AK8: variants seen among roughly 807,000 people sequenced by gnomAD.
AK8 encodes the protein ATP-AMP transphosphorylase 8.
Under a neutral mutation model 54.6 loss-of-function variants are expected in AK8, and 44 were observed. The observed-to-expected ratio is 0.81, with a 90% CI of 0.63 to 1.04. AK8 has a LOEUF of 1.04. Ranked by LOEUF, AK8 falls within the 50% of genes least tolerant of loss-of-function variation. The probability of loss-of-function intolerance (pLI) is 0.00; values close to 1 mark genes in which losing one functional copy is unlikely to be tolerated. For synonymous variants in AK8, 239 were observed against 245.6 expected (o/e 0.97, Z 0.25); for missense variants, 555 against 613.6 (o/e 0.90, Z 1.01).
Position 132,744,023 on chromosome 9 carries a change from C to T in AK8, c.1122-16489G>A, listed in dbSNP as rs1380893218. On this transcript the variant is annotated intron_variant, in intron 11 of 12. Coordinates refer to ENST00000298545, the MANE Select transcript of AK8 (RefSeq NM_152572.3). ...ACAGTGAACCTGCCGGAACTCAAGC[C>T]AGCTAGCGGGAGGGACGGGGGTTGA... Among the ~76,000 whole-genome samples, 30 of 152,214 alleles carry T rather than the reference C, an allele frequency of 2.0e-4. 1 individual carries two copies. The highest frequency in any genetic ancestry group is 2.9e-5 in the Non-Finnish European group (2 of 68,034).
intron 10 of AK8, among the ~76,000 whole-genome samples, chr9:132,809,390 T>G (rs147906930): frequency 6.6e-6 from 1 of 152,296 alleles, no homozygotes; most frequent in African/African-American, 2.4e-5. Flanking sequence ...CCCTTCACCC[T>G]GTGGCCTCCC....
chr9:132,843,039 C>A (rs117168342), intron 5 of AK8, among the ~76,000 whole-genome samples: 1 of 152,162 alleles, frequency 6.6e-6, no homozygotes, highest in South Asian at 2.1e-4. Flanking sequence ...CTGGTCCTGC[C>A]CCCACTCAAG....
At chr9:132,857,418 G>A (rs764610929) in intron 4 of AK8, among the ~76,000 whole-genome samples, 29 of 152,232 alleles carry the variant, frequency 1.9e-4, no homozygotes, top group East Asian at 1.7e-3. Context: ...GTGTCTTTCC[G>A]CCAGTGCCCG....
intron 10 of AK8, among the ~76,000 whole-genome samples, chr9:132,810,586 A>G (rs1840954067): frequency 6.6e-6 from 1 of 152,336 alleles, no homozygotes; most frequent in South Asian, 2.1e-4. Flanking sequence ...AATGGTGCCC[A>G]TATCTGATGA....
At chr9:132,809,360 G>A (rs149763719) in intron 10 of AK8, among the ~76,000 whole-genome samples, 2 of 152,246 alleles carry the variant, frequency 1.3e-5, no homozygotes, top group African/African-American at 2.4e-5. Flanking sequence ...GGCAGTGTTC[G>A]GAAGCTGAAT....
chr9:132,749,140 C>T (rs866982938), intron 11 of AK8, among the ~76,000 whole-genome samples: 7 of 152,102 alleles, frequency 4.6e-5, no homozygotes, highest in African/African-American at 1.7e-4. Flanking sequence ...TCCCAAAGTG[C>T]TGGGATTACC....
chr9:132,726,083 C>A (rs1404007810), intron 12 of AK8, among the ~76,000 whole-genome samples, 158 bp from the exon 13 acceptor site: 1 of 152,184 alleles, frequency 6.6e-6, no homozygotes, highest in African/African-American at 2.4e-5. Context: ...ACACCTTTGA[C>A]TGATGGGCCC....
intron 11 of AK8, among the ~76,000 whole-genome samples, chr9:132,736,026 G>C (rs1261805965): frequency 6.6e-6 from 1 of 152,148 alleles, no homozygotes; most frequent in Non-Finnish European, 1.5e-5. Context: ...ATAATGCAAT[G>C]GTAAGTACTT....
intron 11 of AK8, among the ~76,000 whole-genome samples, chr9:132,750,544 A>G (rs1352545992): frequency 6.6e-6 from 1 of 152,004 alleles, no homozygotes; most frequent in East Asian, 1.9e-4. Flanking sequence ...ACTCTGGGAC[A>G]TCCCCTCTGA....
chr9:132,831,266 C>G (rs891320624), intron 5 of AK8, among the ~76,000 whole-genome samples: 9 of 151,972 alleles, frequency 5.9e-5, no homozygotes, highest in Middle Eastern at 3.2e-3. Context: ...AGAAATTCCA[C>G]TGGGATTCTG....
intron 5 of AK8, among the ~76,000 whole-genome samples, chr9:132,852,376 G>A (rs572401697): frequency 5.2e-4 from 79 of 152,262 alleles, no homozygotes; most frequent in African/African-American, 1.9e-3. Flanking sequence ...TTGGAAGGTC[G>A]AGGCGGGTGG....
rs539015401 is a variant in AK8, at chr9:132,790,981, C to T, written c.1121+1653G>A. On this transcript the variant is annotated intron_variant, in intron 11 of 12. Coordinates refer to ENST00000298545, the MANE Select transcript of AK8 (RefSeq NM_152572.3). This position sits in a 1 kb window ranked among gnomAD's most constrained non-coding sequence, Gnocchi z 4.1. ...ATACCTAGAAATAAAATAAAAAATG[C>T]GAGACCCAAGGAAGTGTTGATATTT... Among the ~76,000 whole-genome samples the T allele has an allele frequency of 1.7e-4, 26 of 152,130 alleles. No homozygotes were observed. Among genetic ancestry groups the T allele is most frequent in the Non-Finnish European group, 2.6e-4 (18 of 67,992 alleles).
At chr9:132,815,517 C>T (rs571388255) in intron 9 of AK8, among the ~76,000 whole-genome samples, 56 of 151,866 alleles carry the variant, frequency 3.7e-4, no homozygotes, top group African/African-American at 1.3e-3. Context: ...CGCGTCACTG[C>T]GCTCCAGTCT....
chr9:132,780,903 G>C (rs1450776931), intron 11 of AK8, among the ~76,000 whole-genome samples: 1 of 152,104 alleles, frequency 6.6e-6, no homozygotes, highest in Non-Finnish European at 1.5e-5. Flanking sequence ...AGACCTTGTG[G>C]GGGAGGGTTA....
Position 132,784,277 on chromosome 9 carries a change from T to C in AK8, c.1121+8357A>G, listed in dbSNP as rs187467689. Among the ~76,000 whole-genome samples the C allele has an allele frequency of 2.2e-3, 180 of 82,556 alleles. 1 individual carries two copies. The highest frequency in any genetic ancestry group is 8.2e-3 in the African/African-American group (173 of 21,062). The allele number at this position is 82,556 out of a possible 152,430, so 54.2% of individuals were successfully genotyped here. A position where few individuals can be genotyped will look rare whatever the true frequency, so the allele number is the denominator to read the frequency against. On this transcript the variant is annotated intron_variant, in intron 11 of 12. Coordinates refer to ENST00000298545, the MANE Select transcript of AK8 (RefSeq NM_152572.3). Reference sequence around the variant, plus strand: ...GCTCATGCCTGTAATCCCAGCACTTTGGGAGGTTGAGGGGGTGGATCACCT... The same window carrying C: ...GCTCATGCCTGTAATCCCAGCACTTCGGGAGGTTGAGGGGGTGGATCACCT...
intron 10 of AK8, among the ~76,000 whole-genome samples, chr9:132,806,789 C>T (rs1231780664): frequency 1.3e-5 from 2 of 152,194 alleles, no homozygotes; most frequent in Non-Finnish European, 2.9e-5. Context: ...CTTGAAAACA[C>T]ATCATCATCC....
At chr9:132,788,295 T>G (rs537814867) in intron 11 of AK8, among the ~76,000 whole-genome samples, 17 of 152,368 alleles carry the variant, frequency 1.1e-4, no homozygotes, top group Admixed American at 6.5e-4. Context: ...TGTATGCTTG[T>G]ATCTCATTAG....
intron 3 of AK8, among the ~76,000 whole-genome samples, chr9:132,866,316 G>GA: frequency 6.6e-6 from 1 of 152,340 alleles, no homozygotes. Flanking sequence ...GGTGATGTGT[G>GA]AAAAAGTGTG....
chr9:132,761,237 T>C (rs1488774587), intron 11 of AK8, among the ~76,000 whole-genome samples: 2 of 151,692 alleles, frequency 1.3e-5, no homozygotes, highest in Non-Finnish European at 2.9e-5. Flanking sequence ...GGACTTTGGA[T>C]TTTCTATTTC....
Sources: gnomAD v4.1 joint callset for allele counts (sites outside exome capture counted in the v4.1 genomes callset) on GRCh38, gnomAD v4.1.1 for gene constraint, Gnocchi (gnomAD v3.1) non-coding constraint, MANE v1.5 for transcripts, NCBI Gene and HGNC (gene_info 2026-07-23, HGNC 2026-07-21) for gene names.